The following COL6A5 variants were observed in gnomAD, a reference collection of about 807,000 sequenced individuals.
COL6A5 encodes the protein collagen alpha-5(VI) chain.
Under a neutral mutation model 65.6 loss-of-function variants are expected in COL6A5, and 48 were observed. The ratio of observed to expected loss-of-function variants is 0.73; its 90% CI spans 0.58 to 0.93. The LOEUF (loss-of-function observed/expected upper bound fraction) is 0.93. Among genes scored for constraint, COL6A5 ranks in the 40% least tolerant of loss-of-function variants. The probability of loss-of-function intolerance (pLI) is 0.00; values close to 1 mark genes in which losing one functional copy is unlikely to be tolerated. For missense variants in COL6A5, 914 were observed against 928.3 expected (o/e 0.98, Z 0.20); for synonymous variants, 291 against 322.8 (o/e 0.90, Z 1.05).
chr3:130,456,351 G>A (rs1160472710), intron 5 of COL6A5, among the ~76,000 whole-genome samples: 1 of 151,726 alleles, frequency 6.6e-6, no homozygotes, highest in Non-Finnish European at 1.5e-5. Context: ...ATGGGTAATG[G>A]GTAGAGAAAA....
chr3:130,395,341 A>C (rs780363747), exon 8 of COL6A5: 1 of 1,550,412 alleles, frequency 6.4e-7, no homozygotes, highest in Non-Finnish European at 8.7e-7. Flanking sequence ...TTTATAAGGA[A>C]CATCTCCTGC....
In COL6A5 at chr3:130,401,525, G is replaced by C. The variant is rs544876409; in HGVS notation, c.4135-237G>C. On this transcript the variant is annotated intron_variant and NMD_transcript_variant, in intron 11 of 41. Coordinates refer to the COL6A5 transcript ENST00000312481. ...TTGGGCCATGGCCATCCACATACTG[G>C]ATGCCCTGTCTATAGACAGAGATCA... Among the ~76,000 whole-genome samples the C allele has an allele frequency of 5.3e-5, 8 of 152,284 alleles. No individual in the cohort carries two copies. The South Asian group carries it at 1.7e-3, about 32-fold the overall frequency.
At chr3:130,379,524 T>C (rs968654968) in exon 4 of COL6A5, 1 of 1,551,388 alleles carries the variant, frequency 6.4e-7, no homozygotes, top group Non-Finnish European at 8.7e-7. Flanking sequence ...AGACCTTCCT[T>C]GAGAACATTA....
exon 5 of COL6A5, chr3:130,385,280 G>T: frequency 6.4e-7 from 1 of 1,550,978 alleles, no homozygotes; most frequent in Non-Finnish European, 8.7e-7. Context: ...TGCTGGGAAA[G>T]AAGAAAGGGT....
chr3:130,440,503 A>G, exon 3 of COL6A5: 2 of 1,613,762 alleles, frequency 1.2e-6, no homozygotes, highest in Non-Finnish European at 1.7e-6. Context: ...TAAATGGAGA[A>G]GCAACAATTG....
At chr3:130,400,280 A>T (rs1194408541) in intron 10 of COL6A5, among the ~76,000 whole-genome samples, 3 of 152,008 alleles carry the variant, frequency 2.0e-5, no homozygotes, top group Admixed American at 2.0e-4. Flanking sequence ...CTGTCATGGA[A>T]CCCTGATGTT....
At chr3:130,395,535 G>A in intron 8 of COL6A5, 70 bp downstream of exon 8, 6 of 1,147,236 alleles carry the variant, frequency 5.2e-6, no homozygotes, top group Non-Finnish European at 7.5e-6. Flanking sequence ...AGTGTCTTAT[G>A]GGCTAGCTCT....
chr3:130,434,979 ACTGC>A (rs1365879283), intron 1 of COL6A5, among the ~76,000 whole-genome samples: 3 of 152,184 alleles, frequency 2.0e-5, no homozygotes, highest in Non-Finnish European at 4.4e-5. Context: ...TTTCGTTGCA[ACTGC>A]TTTTGGTGTT....
chr3:130,375,013 C>T (rs1002123988), intron 2 of COL6A5, among the ~76,000 whole-genome samples: 7 of 152,186 alleles, frequency 4.6e-5, no homozygotes, highest in African/African-American at 1.7e-4. Flanking sequence ...TGATGCATTT[C>T]TGAGTTACCT....
At chr3:130,351,113 T>G (rs1429464325) in intron 1 of COL6A5, among the ~76,000 whole-genome samples, 3 of 152,172 alleles carry the variant, frequency 2.0e-5, no homozygotes, top group African/African-American at 7.2e-5. Flanking sequence ...TAGCCATATG[T>G]AGAAAGCTGA....
At chr3:130,426,766 G>A (rs79665247), upstream of COL6A5, among the ~76,000 whole-genome samples, 1,946 of 151,886 alleles carry the variant, frequency 0.013, 30 homozygotes, top group African/African-American at 0.044. Flanking sequence ...GGGACTAGTC[G>A]GTTACTCAGT....
At chr3:130,477,511 T>C (rs1165581021) in intron 7 of COL6A5, among the ~76,000 whole-genome samples, 1 of 152,084 alleles carries the variant, frequency 6.6e-6, no homozygotes, top group Non-Finnish European at 1.5e-5. Context: ...TATTTTTAAG[T>C]GGAACTGTAT....
At chr3:130,409,969 A>G (rs1465320237) in intron 18 of COL6A5, 40 bp from the exon 19 acceptor site, 1 of 1,379,216 alleles carries the variant, frequency 7.3e-7, no homozygotes, top group Non-Finnish European at 1.0e-6. Flanking sequence ...AAAAGCTGAT[A>G]TTTCTGGATT....
At chr3:130,460,222 G>A (rs928539144) in intron 5 of COL6A5, among the ~76,000 whole-genome samples, 2 of 152,024 alleles carry the variant, frequency 1.3e-5, no homozygotes, top group African/African-American at 4.8e-5. Flanking sequence ...AGCAATGTCT[G>A]GATTTTAATA....
intron 6 of COL6A5, among the ~76,000 whole-genome samples, chr3:130,390,513 A>T (rs926271146): frequency 1.3e-5 from 2 of 152,046 alleles, no homozygotes; most frequent in African/African-American, 2.4e-5. Context: ...CACTTTGGAA[A>T]GCCAGCCAAA....
chr3:130,346,039 T>A (rs79858757), intron 1 of COL6A5, 58 bp downstream of exon 1: 4,363 of 398,426 alleles, frequency 0.011, 45 homozygotes, highest in South Asian at 0.083. Context: ...AAACCTCGAG[T>A]AGACAGGTGG....
At chr3:130,433,261 C>T (rs1282354370) in intron 1 of COL6A5, among the ~76,000 whole-genome samples, 3 of 152,130 alleles carry the variant, frequency 2.0e-5, no homozygotes, top group African/African-American at 7.2e-5. Flanking sequence ...AAGTGACTTT[C>T]AGCTTTGAGA....
intron 4 of COL6A5, among the ~76,000 whole-genome samples, chr3:130,380,945 G>A (rs758848277): frequency 6.6e-5 from 10 of 152,104 alleles, no homozygotes; most frequent in Admixed American, 5.2e-4. Context: ...TTTGCTGTTC[G>A]TGGTCTTAAT....
At chr3:130,417,133 G>T (rs1937368696) in intron 24 of COL6A5, among the ~76,000 whole-genome samples, 1 of 151,680 alleles carries the variant, frequency 6.6e-6, no homozygotes, top group Non-Finnish European at 1.5e-5. Context: ...CCCTCTCTGT[G>T]TCTATGTGTT....
Sources: allele counts gnomAD v4.1 joint callset (sites outside exome capture counted in the v4.1 genomes callset), GRCh38; gene constraint gnomAD v4.1.1; transcripts MANE v1.5; gene names NCBI Gene and HGNC (gene_info 2026-07-23, HGNC 2026-07-21).